Variants in LAMB4 observed in about 807,000 individuals in gnomAD.
LAMB4 encodes laminin subunit beta-4.
LAMB4 carries 196 observed loss-of-function variants against 199.2 expected under a neutral mutation model. The observed-to-expected ratio is 0.98, with a 90% CI of 0.88 to 1.11. The LOEUF (loss-of-function observed/expected upper bound fraction) is 1.11, where lower values mean the gene tolerates loss of function less well. Ranked by LOEUF, LAMB4 falls within the 50% of genes least tolerant of loss-of-function variation. The pLI is 0.00. For missense variants in LAMB4, 2,080 were observed against 2,171.2 expected (o/e 0.96, Z 0.83); for synonymous variants, 744 against 770.6 (o/e 0.97, Z 0.57).
chr7:108,016,903 C>T, the LAMB4 span, among the ~76,000 whole-genome samples: 4 of 152,194 alleles, frequency 2.6e-5, no homozygotes, highest in Admixed American at 2.6e-4. Context: ...AAATATAGCA[C>T]ACTTAATCTG....
Position 108,062,972 on chromosome 7 carries a change from G to C in LAMB4, c.3084C>G (p.Gly1028=). ...TCRRCSCHAS[G]VSPMECPPGG... is the part of the protein sequence containing the mutation. ...CAGGGGGACACTCCATGGGACTCAC[G>C]CCGGAAGCATGGCAGGAGCATCCTG... The change falls in exon 23 of 34, where the codon GGC becomes GGG. Residue 1028 remains glycine (G), a synonymous_variant. Coordinates refer to ENST00000388781, the MANE Select transcript of LAMB4 (RefSeq NM_007356.3). 1 of 1,577,202 alleles carries C rather than the reference G, an allele frequency of 6.3e-7. No individual in the cohort carries two copies. The highest frequency in any genetic ancestry group is 8.6e-7 in the Non-Finnish European group (1 of 1,165,000).
chr7:108,107,846 C>A, intron 5 of LAMB4, 27 bp from the exon 6 acceptor site: 1 of 1,518,174 alleles, frequency 6.6e-7, no homozygotes, highest in East Asian at 2.4e-5. Context: ...AAAGTTGGCA[C>A]ATTTCACAAA....
At chr7:108,084,979 T>A (rs981622802) in intron 14 of LAMB4, among the ~76,000 whole-genome samples, 1 of 151,812 alleles carries the variant, frequency 6.6e-6, no homozygotes, top group Middle Eastern at 3.2e-3. Flanking sequence ...GCTCAAGTAA[T>A]CCTCCCATCT....
chr7:108,053,449 G>A (rs2035887472), intron 25 of LAMB4, among the ~76,000 whole-genome samples: 1 of 152,182 alleles, frequency 6.6e-6, no homozygotes, highest in African/African-American at 2.4e-5. Flanking sequence ...CCCTGTCCAG[G>A]GTGCCCCACA....
At chr7:108,039,700 C>T (rs1246864007) in intron 29 of LAMB4, among the ~76,000 whole-genome samples, 1 of 152,154 alleles carries the variant, frequency 6.6e-6, no homozygotes, top group African/African-American at 2.4e-5. Context: ...CACTCCTGAA[C>T]TCATGTGATC....
intron 11 of LAMB4, among the ~76,000 whole-genome samples, chr7:108,097,731 TAAATAAAC>T (rs991005277): frequency 6.6e-6 from 1 of 151,850 alleles, no homozygotes; most frequent in African/African-American, 2.4e-5. Flanking sequence ...AATAAATAAA[TAAATAAAC>T]AAACCACCAC....
intron 26 of LAMB4, among the ~76,000 whole-genome samples, chr7:108,051,189 C>T (rs2035815374): frequency 6.6e-6 from 1 of 152,190 alleles, no homozygotes; most frequent in South Asian, 2.1e-4. Flanking sequence ...AGATTCCTTA[C>T]TCATTACATG....
intron 2 of LAMB4, among the ~76,000 whole-genome samples, chr7:108,116,640 A>AT (rs1483877301): frequency 1.3e-5 from 2 of 152,174 alleles, no homozygotes; most frequent in Non-Finnish European, 2.9e-5. Flanking sequence ...CATGGAAGGC[A>AT]TTTTTTATTC....
In LAMB4 at chr7:108,105,388, T is replaced by G. The variant is rs1458051480; in HGVS notation, c.870+429A>C. Among the ~76,000 whole-genome samples the G allele has an allele frequency of 2.0e-5, 3 of 152,330 alleles. No individual in the cohort carries two copies. In the East Asian group the frequency reaches 5.8e-4, roughly 29 times the overall value. ...GGTCTTGCACACAAAAGTCCTTCAGTAGATTTTTGTGAGAGAATGAATGTG... is the reference window on the plus strand; with the variant it reads ...GGTCTTGCACACAAAAGTCCTTCAGGAGATTTTTGTGAGAGAATGAATGTG... On this transcript the variant is annotated intron_variant, in intron 8 of 33. Coordinates refer to ENST00000388781, the MANE Select transcript of LAMB4 (RefSeq NM_007356.3).
intron 2 of LAMB4, among the ~76,000 whole-genome samples, chr7:108,119,716 A>G (rs1479763700): frequency 6.6e-6 from 1 of 152,278 alleles, no homozygotes. Context: ...ACATAAATCT[A>G]TATGGTGATA....
intron 31 of LAMB4, among the ~76,000 whole-genome samples, chr7:108,031,388 G>T (rs1451976309): frequency 7.9e-6 from 1 of 126,602 alleles, no homozygotes. Flanking sequence ...AAAAAAGAGC[G>T]AAGAGAAAAA....
chr7:108,025,378 CTT>C (rs1402437412), intron 33 of LAMB4, among the ~76,000 whole-genome samples: 47 of 106,246 alleles, frequency 4.4e-4, no homozygotes, highest in African/African-American at 2.6e-3. Flanking sequence ...TTCTTTCTTT[CTT>C]TTCTTTTCTT....
intron 25 of LAMB4, 97 bp from the exon 26 acceptor site, chr7:108,052,354 T>A (rs1411861297): frequency 1.1e-6 from 1 of 911,706 alleles, no homozygotes; most frequent in Non-Finnish European, 1.6e-6. Flanking sequence ...TGTTAGGAAT[T>A]CTTGATTAGA....
At position 108,064,120 on chromosome 7, in the gene LAMB4, G is replaced by A. The variant is rs1050160044; in HGVS notation, c.2837-135C>T. On this transcript the variant is annotated intron_variant, in intron 21 of 33. Transcript: ENST00000388781. ...AAATCACACATTCGGGGTGAATAAC[G>A]AAAAGTGTTCTAAGTGAAACAAAAC... 5 of 656,748 alleles carry A rather than the reference G, an allele frequency of 7.6e-6. No homozygotes were observed. The Admixed American group carries it at 7.7e-5, about 10-fold the overall frequency. 40.7% of individuals were successfully genotyped at this position (656,748 alleles called of 1,614,324 possible). A position where few individuals can be genotyped will look rare whatever the true frequency, so the allele number is the denominator to read the frequency against.
intron 14 of LAMB4, among the ~76,000 whole-genome samples, chr7:108,086,875 C>G (rs751432210): frequency 3.3e-5 from 5 of 152,144 alleles, no homozygotes; most frequent in Admixed American, 6.5e-5. Context: ...AGGGTCAAAT[C>G]TGGATTTTAA....
intron 6 of LAMB4, 81 bp downstream of exon 6, chr7:108,107,550 A>G (rs1437017127): frequency 1.8e-6 from 2 of 1,103,176 alleles, no homozygotes; most frequent in African/African-American, 1.6e-5. Context: ...AGTAAACACT[A>G]TCGAAAGTTT....
At chr7:108,070,196 G>A (rs904070945) in intron 17 of LAMB4, among the ~76,000 whole-genome samples, 2 of 152,158 alleles carry the variant, frequency 1.3e-5, no homozygotes, top group Admixed American at 6.6e-5. Context: ...TGAACAACTC[G>A]TGTTAAAAGC....
downstream of LAMB4, among the ~76,000 whole-genome samples, chr7:108,021,447 C>A (rs1003180660): frequency 1.3e-5 from 2 of 152,108 alleles, no homozygotes; most frequent in Non-Finnish European, 2.9e-5. Flanking sequence ...TGGTGGCTCA[C>A]GCCTGTAATC....
At chr7:108,128,757 G>C (rs2038881646) in intron 1 of LAMB4, among the ~76,000 whole-genome samples, 1 of 152,172 alleles carries the variant, frequency 6.6e-6, no homozygotes, top group Non-Finnish European at 1.5e-5. Flanking sequence ...AAGTTTAATT[G>C]GTACTGCTTT....
Sources: allele counts gnomAD v4.1 joint callset (sites outside exome capture counted in the v4.1 genomes callset), GRCh38; gene constraint gnomAD v4.1.1; transcripts MANE v1.5; gene names NCBI Gene and HGNC (gene_info 2026-07-23, HGNC 2026-07-21).